The following DPYD variants were observed in gnomAD, a reference collection of about 807,000 sequenced individuals.
DPYD encodes the protein dihydropyrimidine dehydrogenase, also known as dihydropyrimidine dehydrogenase [NADP(+)].
DPYD carries 109 observed loss-of-function variants against 116.2 expected under a neutral mutation model. The ratio of observed to expected loss-of-function variants is 0.94; its 90% CI spans 0.80 to 1.10. The LOEUF (loss-of-function observed/expected upper bound fraction) is 1.10. Ranked by LOEUF, DPYD falls within the 50% of genes least tolerant of loss-of-function variation. DPYD has a pLI of 0.00. For synonymous variants in DPYD, 440 were observed against 432.0 expected (o/e 1.02, Z -0.23); for missense variants, 1,302 against 1,254.5 (o/e 1.04, Z -0.57).
chr1:97,669,322 A>T (rs1183078648), intron 8 of DPYD, among the ~76,000 whole-genome samples: 7 of 152,302 alleles, frequency 4.6e-5, no homozygotes, highest in Non-Finnish European at 1.0e-4. Flanking sequence ...CTGACTTCAT[A>T]TTGTAATCAT....
At chr1:97,856,361 T>C (rs1253859434) in intron 2 of DPYD, 1 of 152,128 alleles carries the variant, frequency 6.6e-6, no homozygotes, top group Non-Finnish European at 1.5e-5. Flanking sequence ...AGATCAGTCA[T>C]GCATGTGAAG....
intron 13 of DPYD, among the ~76,000 whole-genome samples, chr1:97,458,511 T>G (rs1043780195): frequency 6.6e-6 from 1 of 152,106 alleles, no homozygotes; most frequent in Admixed American, 6.6e-5. Context: ...AACTAACTAT[T>G]GGGTGGTGTT....
intron 3 of DPYD, among the ~76,000 whole-genome samples, chr1:97,813,310 G>C (rs1668421867): frequency 6.6e-6 from 1 of 151,900 alleles, no homozygotes; most frequent in Non-Finnish European, 1.5e-5. Context: ...TCTTACCTCT[G>C]GGTGAGAAAT....
At chr1:97,881,614 C>T (rs1176161916) in intron 2 of DPYD, among the ~76,000 whole-genome samples, 2 of 151,928 alleles carry the variant, frequency 1.3e-5, no homozygotes, top group African/African-American at 2.4e-5. Flanking sequence ...TATAGGATCA[C>T]ATTATGAGAT....
chr1:97,295,179 A>G (rs948715472), intron 18 of DPYD, among the ~76,000 whole-genome samples: 5 of 152,140 alleles, frequency 3.3e-5, no homozygotes, highest in South Asian at 2.1e-4. Context: ...AATGGGCCCA[A>G]TGGTATCCAC....
At chr1:97,309,330 CTT>C (rs1491138521) in intron 16 of DPYD, among the ~76,000 whole-genome samples, 3 of 93,528 alleles carry the variant, frequency 3.2e-5, no homozygotes, top group African/African-American at 1.3e-4. Context: ...AGTTGCTTGT[CTT>C]GTGTGTGTGT....
At chr1:97,239,397 C>T (rs1343332171) in intron 18 of DPYD, among the ~76,000 whole-genome samples, 2 of 151,962 alleles carry the variant, frequency 1.3e-5, no homozygotes, top group Admixed American at 6.6e-5. Flanking sequence ...TGTATTATGA[C>T]AATCAGGTTC....
chr1:97,910,554 C>A (rs1558048349), intron 1 of DPYD, among the ~76,000 whole-genome samples: 1 of 152,010 alleles, frequency 6.6e-6, no homozygotes, highest in African/African-American at 2.4e-5. Flanking sequence ...CCCACTTTTA[C>A]AATGAGAAAA....
chr1:97,323,347 TGTGTATATGTACACGTATGTATAC>T (rs199727747), intron 16 of DPYD, among the ~76,000 whole-genome samples: 3,765 of 128,400 alleles, frequency 0.029, 436 homozygotes, highest in South Asian at 0.041. Context: ...TATATATACA[TGTGTATATGTACACGTATGTATAC>T]ATGTGTATAT....
intron 18 of DPYD, among the ~76,000 whole-genome samples, chr1:97,301,570 G>T (rs926457691): frequency 6.6e-6 from 1 of 151,940 alleles, no homozygotes; most frequent in African/African-American, 2.4e-5. Flanking sequence ...ACAGGACAAT[G>T]AAATTCATTC....
At chr1:97,821,284 C>G (rs1668914231) in intron 3 of DPYD, among the ~76,000 whole-genome samples, 1 of 149,422 alleles carries the variant, frequency 6.7e-6, no homozygotes, top group Non-Finnish European at 1.5e-5. Context: ...TGAGCCGAGA[C>G]CGCAACAATG....
intron 8 of DPYD, among the ~76,000 whole-genome samples, chr1:97,674,607 A>G (rs765740439): frequency 6.6e-6 from 1 of 152,032 alleles, no homozygotes; most frequent in East Asian, 1.9e-4. Context: ...TCAGTTATCT[A>G]TAACAGTGAC....
intron 13 of DPYD, among the ~76,000 whole-genome samples, chr1:97,473,794 C>T (rs974312885): frequency 6.6e-6 from 1 of 151,968 alleles, no homozygotes; most frequent in Non-Finnish European, 1.5e-5. Context: ...ATTGCTTGAG[C>T]CCAGTAGTTT....
intron 3 of DPYD, among the ~76,000 whole-genome samples, chr1:97,752,084 A>G (rs1334744578): frequency 6.6e-6 from 1 of 152,028 alleles, no homozygotes; most frequent in Non-Finnish European, 1.5e-5. Flanking sequence ...TTGTGTGTGT[A>G]GTTTTTTTCT....
chr1:97,739,203 G>A (rs1664127834), intron 4 of DPYD, among the ~76,000 whole-genome samples: 1 of 151,996 alleles, frequency 6.6e-6, no homozygotes, highest in South Asian at 2.1e-4. Context: ...CACTTCTATA[G>A]TATTTACCAT....
chr1:97,836,592 A>C (rs1669783241), intron 2 of DPYD, among the ~76,000 whole-genome samples: 2 of 152,154 alleles, frequency 1.3e-5, no homozygotes, highest in South Asian at 4.1e-4. Flanking sequence ...TGTTTAAAAA[A>C]CAATTAACAT....
At chr1:97,181,785 A>G (rs1045200170) in intron 20 of DPYD, among the ~76,000 whole-genome samples, 6 of 152,104 alleles carry the variant, frequency 3.9e-5, no homozygotes, top group Non-Finnish European at 8.8e-5. Flanking sequence ...CAAATTGCCT[A>G]TCTATCTATG....
chr1:97,700,138 A>C (rs1661516242), intron 5 of DPYD: 16 of 439,762 alleles, frequency 3.6e-5, no homozygotes, highest in South Asian at 2.6e-4. Context: ...AGTAAGAACA[A>C]AGTTAAGTGA....
chr1:97,832,995 G>GAA (rs1161903108), intron 2 of DPYD, among the ~76,000 whole-genome samples: 3 of 59,010 alleles, frequency 5.1e-5, no homozygotes, highest in African/African-American at 1.2e-4. Flanking sequence ...AAGAGGCAAA[G>GAA]AAAAAAAAAA....
Sources: gnomAD v4.1 joint callset for allele counts (sites outside exome capture counted in the v4.1 genomes callset) on GRCh38, gnomAD v4.1.1 for gene constraint, MANE v1.5 for transcripts, NCBI Gene and HGNC (gene_info 2026-07-23, HGNC 2026-07-21) for gene names.